Variants in GYS2 observed in about 807,000 individuals in gnomAD.
The protein encoded by GYS2 is glycogen synthase 2.
In GYS2, 80 loss-of-function variants were observed where a neutral mutation model predicts 85.6. That is an observed-to-expected ratio of 0.93 (90% CI 0.78 to 1.13). The LOEUF (loss-of-function observed/expected upper bound fraction) is 1.13. GYS2 is among the 50% of genes most tolerant of loss of function. The pLI, the probability that GYS2 is intolerant of heterozygous loss-of-function variation, is 0.00. For synonymous variants in GYS2, 328 were observed against 300.7 expected (o/e 1.09, Z -0.94); for missense variants, 881 against 854.9 (o/e 1.03, Z -0.38).
At chr12:21,598,145 G>A (rs981639003) in intron 1 of GYS2, among the ~76,000 whole-genome samples, 1 of 151,906 alleles carries the variant, frequency 6.6e-6, no homozygotes, top group Non-Finnish European at 1.5e-5. Flanking sequence ...AGCAAAGTAG[G>A]GTGATTATAG....
chr12:21,533,957 C>A (rs1307893579), downstream of GYS2, among the ~76,000 whole-genome samples: 2 of 152,264 alleles, frequency 1.3e-5, no homozygotes, highest in Admixed American at 1.3e-4. Context: ...AAGGGCAAGG[C>A]AGCTCTCTGG....
intron 2 of GYS2, among the ~76,000 whole-genome samples, chr12:21,577,701 G>A (rs866081876): frequency 4.6e-5 from 7 of 151,974 alleles, no homozygotes; most frequent in Admixed American, 1.3e-4. Flanking sequence ...GCACCTCCTA[G>A]ACACCACTAC....
At chr12:21,559,852 A>G in intron 8 of GYS2, 142 bp from the exon 9 acceptor site, 1 of 687,370 alleles carries the variant, frequency 1.5e-6, no homozygotes, top group Non-Finnish European at 2.5e-6. Flanking sequence ...AGTCTCTTCT[A>G]TTATTTTACT....
At chr12:21,557,505 C>T (rs946032339) in intron 11 of GYS2, among the ~76,000 whole-genome samples, 3 of 152,324 alleles carry the variant, frequency 2.0e-5, no homozygotes, top group South Asian at 2.1e-4. Context: ...ATATTATCCC[C>T]TTAAGTTGAA....
chr12:21,560,585 A>G (rs1018139192), intron 7 of GYS2, 93 bp from the exon 8 acceptor site: 1 of 758,954 alleles, frequency 1.3e-6, no homozygotes, highest in Non-Finnish European at 2.4e-6. Context: ...AGAGTTTTAA[A>G]ATATCAGTAG....
At chr12:21,556,428 C>T (rs1375081981) in intron 11 of GYS2, among the ~76,000 whole-genome samples, 1 of 152,196 alleles carries the variant, frequency 6.6e-6, no homozygotes, top group East Asian at 1.9e-4. Context: ...ACCGCAACCT[C>T]CCAAAGGGCT....
chr12:21,579,425 C>T (rs1219067685), intron 2 of GYS2, among the ~76,000 whole-genome samples: 3 of 149,234 alleles, frequency 2.0e-5, no homozygotes, highest in Non-Finnish European at 4.4e-5. Context: ...ACGATCTCAG[C>T]TCATTGCAAC....
At chr12:21,586,597 A>C (rs1484308006) in intron 1 of GYS2, among the ~76,000 whole-genome samples, 1 of 152,146 alleles carries the variant, frequency 6.6e-6, no homozygotes, top group Non-Finnish European at 1.5e-5. Flanking sequence ...TAATAATCAG[A>C]GAATGCAAAT....
At chr12:21,543,742 C>T (rs1050194258) in intron 12 of GYS2, among the ~76,000 whole-genome samples, 6 of 152,082 alleles carry the variant, frequency 3.9e-5, no homozygotes, top group African/African-American at 1.4e-4. Context: ...TCTCCCTCAC[C>T]TCGCCCCACA....
rs1007938850 is a variant in GYS2, at chr12:21,536,937, T to C, written c.*17A>G. The C allele has an allele frequency of 2.6e-6, 4 of 1,547,436 alleles. No homozygotes were observed. The highest frequency in any genetic ancestry group is 3.6e-6 in the Non-Finnish European group (4 of 1,119,562). ...TTTGCTTTTTTAAATTAGCTCTTCATGCAGCACATGTAGAATTCAGTTCTT... is the reference window on the plus strand; with the variant it reads ...TTTGCTTTTTTAAATTAGCTCTTCACGCAGCACATGTAGAATTCAGTTCTT... On this transcript the variant is annotated 3_prime_UTR_variant, in exon 16 of 16. Coordinates refer to ENST00000261195, the MANE Select transcript of GYS2 (RefSeq NM_021957.4).
intron 11 of GYS2, among the ~76,000 whole-genome samples, chr12:21,557,090 T>TG (rs964331260): frequency 2.0e-5 from 3 of 152,048 alleles, no homozygotes; most frequent in Admixed American, 6.5e-5. Flanking sequence ...GGGGCCAGCA[T>TG]GGGGGGGACA....
chr12:21,556,639 A>C (rs11046115), intron 11 of GYS2, among the ~76,000 whole-genome samples: 113,229 of 151,936 alleles, frequency 0.75, 42,815 homozygotes, highest in Non-Finnish European at 0.81. Context: ...AAACTCAATT[A>C]ATCAGAAACC....
At chr12:21,556,008 G>A (rs1239891979) in intron 11 of GYS2, among the ~76,000 whole-genome samples, 1 of 152,038 alleles carries the variant, frequency 6.6e-6, no homozygotes, top group Non-Finnish European at 1.5e-5. Flanking sequence ...TGTATCATGA[G>A]GTCTTCCTAC....
intron 5 of GYS2, among the ~76,000 whole-genome samples, chr12:21,565,972 A>T (rs1048371067): frequency 2.4e-4 from 37 of 152,232 alleles, no homozygotes; most frequent in African/African-American, 7.7e-4. Flanking sequence ...AAAATGACAA[A>T]TTTTTTTAAA....
In GYS2 at chr12:21,540,421, A is replaced by T; in HGVS notation, c.1798T>A (p.Tyr600Asn). 4 of 1,614,024 alleles carry T rather than the reference A, an allele frequency of 2.5e-6. No individual in the cohort carries two copies. The highest frequency in any genetic ancestry group is 1.7e-5 in the Admixed American group (1 of 60,016). The change falls in exon 14 of 16, where the codon TAC (tyrosine) becomes AAC (asparagine). Residue 600 changes from tyrosine (Y) to asparagine (N), a missense_variant. Coordinates refer to ENST00000261195, the MANE Select transcript of GYS2 (RefSeq NM_021957.4). ...CTAAACTTGCTTACTCTGCCTAAGT[A>T]TCTCCAATCCAGAAGATCTGAGAGC... is the stretch of plus-strand genomic sequence containing the variant. Reference protein sequence around the residue: ...ERLSDLLDWRYLGRYYQHARH... With the variant: ...ERLSDLLDWRNLGRYYQHARH...
intron 1 of GYS2, among the ~76,000 whole-genome samples, chr12:21,598,114 G>T (rs376570324): frequency 1.6e-4 from 24 of 152,154 alleles, no homozygotes; most frequent in East Asian, 9.7e-4. Context: ...TAGATAGAAG[G>T]AATATGTTCT....
At chr12:21,595,162 T>C (rs1944681337) in intron 1 of GYS2, among the ~76,000 whole-genome samples, 1 of 151,934 alleles carries the variant, frequency 6.6e-6, no homozygotes, top group African/African-American at 2.4e-5. Flanking sequence ...GGATGGGAGG[T>C]AGGCCTAGAT....
At chr12:21,567,942 A>G (rs1944341572) in intron 5 of GYS2, among the ~76,000 whole-genome samples, 1 of 151,986 alleles carries the variant, frequency 6.6e-6, no homozygotes, top group Admixed American at 6.6e-5. Flanking sequence ...GCGTGGTGGC[A>G]GGTGCCTGTA....
rs1944041272 is a variant in GYS2, at chr12:21,546,479, G to A, written c.1423-9C>T. The stretch of plus-strand genomic sequence containing the variant: ...TCTGGGTGCAAAATCACCTAAAAAA[G>A]GAAAATTCTAATTTAAAAAAAAAGA... On this transcript the variant is annotated splice_polypyrimidine_tract_variant and intron_variant, in intron 11 of 15. Coordinates refer to ENST00000261195, the MANE Select transcript of GYS2 (RefSeq NM_021957.4). 1 of 1,575,002 alleles carries A rather than the reference G, an allele frequency of 6.3e-7. No homozygotes were observed. Among genetic ancestry groups the A allele is most frequent in the African/African-American group, 1.4e-5 (1 of 73,386 alleles).
Sources: gnomAD v4.1 joint callset for allele counts (sites outside exome capture counted in the v4.1 genomes callset) on GRCh38, gnomAD v4.1.1 for gene constraint, MANE v1.5 for transcripts, NCBI Gene and HGNC (gene_info 2026-07-23, HGNC 2026-07-21) for gene names.